Variants in NISCH observed in about 807,000 individuals in gnomAD.
NISCH encodes nischarin, also known as I-1 receptor candidate protein.
Under a neutral mutation model 138.4 loss-of-function variants are expected in NISCH, and 55 were observed. The observed-to-expected ratio is 0.40, with a 90% CI of 0.32 to 0.50. The LOEUF (loss-of-function observed/expected upper bound fraction) is 0.50. Among genes scored for constraint, NISCH ranks in the 20% least tolerant of loss-of-function variants. NISCH has a pLI of 0.71. For synonymous variants in NISCH, 860 were observed against 861.5 expected (o/e 1.00, Z 0.03); for missense variants, 1,643 against 2,005.5 (o/e 0.82, Z 3.45).
chr3:52,476,665 A>C lies in NISCH; in HGVS notation c.918+66A>C, dbSNP rs1018021433. On this transcript the variant is annotated intron_variant, in intron 8 of 20. Coordinates refer to ENST00000345716, the MANE Select transcript of NISCH (RefSeq NM_007184.4). ...CACCAAACCCTGAGTTTGAGTATTT[A>C]ACTCAGCTTTTTTAGGAAGGACCAC... The C allele has an allele frequency of 7.1e-6, 11 of 1,544,482 alleles. No individual in the cohort carries two copies. In the East Asian group the frequency reaches 2.5e-4, roughly 35 times the overall value.
intron 15 of NISCH, 37 bp downstream of exon 15, chr3:52,485,864 A>T (rs1707389642): frequency 3.2e-6 from 5 of 1,555,876 alleles, no homozygotes; most frequent in Non-Finnish European, 4.4e-6. Context: ...GGGCCTGGCC[A>T]CACAGCCTTA....
chr3:52,478,713 T>C (rs1707177782), intron 11 of NISCH, 136 bp downstream of exon 11: 1 of 786,016 alleles, frequency 1.3e-6, no homozygotes, highest in Non-Finnish European at 2.0e-6. Context: ...TTAGGGGCTT[T>C]TCAGTTCTGG....
chr3:52,473,959 G>T lies in NISCH; in HGVS notation c.765+130G>T. ...TATTCAGAGGCTGGACCTTCTGTGG[G>T]GTAGGCAGACACTCATGGGGGGCCT... On this transcript the variant is annotated intron_variant, in intron 7 of 20. Coordinates refer to ENST00000345716, the MANE Select transcript of NISCH (RefSeq NM_007184.4). 1.1e-5 allele frequency: 6 copies of T among 522,672 alleles called. No homozygotes were observed. In the South Asian group the frequency reaches 2.3e-4, roughly 20 times the overall value. The allele number at this position is 522,672 out of a possible 1,614,324, so 32.4% of individuals were successfully genotyped here.
chr3:52,477,890 AACGCCC>A (rs1707150519), intron 9 of NISCH: 1 of 644,792 alleles, frequency 1.6e-6, no homozygotes, highest in Non-Finnish European at 2.7e-6. Flanking sequence ...CCATGTTTTC[AACGCCC>A]ACCCCAACTG....
At chr3:52,482,313 A>AG (rs1354031424) in intron 13 of NISCH, among the ~76,000 whole-genome samples, 1 of 152,150 alleles carries the variant, frequency 6.6e-6, no homozygotes, top group Non-Finnish European at 1.5e-5. Flanking sequence ...GCCTGCCTGA[A>AG]GGGGGCGCTG....
At chr3:52,477,757 C>A in intron 9 of NISCH, 115 bp downstream of exon 9, 1 of 844,576 alleles carries the variant, frequency 1.2e-6, no homozygotes, top group Non-Finnish European at 2.0e-6. Context: ...GCAGGGGTTG[C>A]TGTCTTCGCT....
intron 3 of NISCH, among the ~76,000 whole-genome samples, chr3:52,465,003 C>T (rs1706742207): frequency 6.6e-6 from 1 of 152,124 alleles, no homozygotes; most frequent in African/African-American, 2.4e-5. Flanking sequence ...CATTGAAGCA[C>T]AAAAGATTTA....
At position 52,470,883 on chromosome 3, in the gene NISCH, C is replaced by T. The variant is rs887943561; in HGVS notation, c.385C>T (p.Leu129=). 1 of 1,613,990 alleles carries T rather than the reference C, an allele frequency of 6.2e-7. No homozygotes were observed. Among genetic ancestry groups the T allele is most frequent in the South Asian group, 1.1e-5 (1 of 91,084 alleles). ...GGAGATAAATGGCATCACCGCGGCA[C>T]TGGCTGAAGAGCTCTTTGAGAAAGG... The part of the protein sequence containing the change: ...FYEINGITAA[L]AEELFEKGEQ... The change falls in exon 4 of 21, where the codon CTG becomes TTG. Residue 129 remains leucine (L), a synonymous_variant. Coordinates refer to ENST00000345716, the MANE Select transcript of NISCH (RefSeq NM_007184.4).
chr3:52,492,747 G>T lies in NISCH; in HGVS notation c.*265G>T, dbSNP rs957312250. ...CACCAGTGTCGTGTCTGCTGTTGTGGGACCGTTGTTAACACGTGACACTGT... is the reference window on the plus strand; with the variant it reads ...CACCAGTGTCGTGTCTGCTGTTGTGTGACCGTTGTTAACACGTGACACTGT... On this transcript the variant is annotated 3_prime_UTR_variant, in exon 21 of 21. Coordinates refer to ENST00000345716, the MANE Select transcript of NISCH (RefSeq NM_007184.4). 2.0e-6 allele frequency: 1 copy of T among 504,462 alleles called. No individual in the cohort carries two copies. Among genetic ancestry groups the T allele is most frequent in the East Asian group, 3.1e-5 (1 of 31,982 alleles). 31.2% of individuals were successfully genotyped at this position (504,462 alleles called of 1,614,324 possible). A position where few individuals can be genotyped will look rare whatever the true frequency, so the allele number is the denominator to read the frequency against.
chr3:52,477,042 GA>G (rs970753722), intron 8 of NISCH, among the ~76,000 whole-genome samples: 10 of 149,728 alleles, frequency 6.7e-5, no homozygotes, highest in Non-Finnish European at 1.3e-4. Flanking sequence ...CTCAAAAGAA[GA>G]AAAAAAAATG....
intron 20 of NISCH, 172 bp from the exon 21 acceptor site, chr3:52,491,700 C>A: frequency 9.4e-7 from 1 of 1,062,936 alleles, no homozygotes; most frequent in Non-Finnish European, 1.3e-6. Flanking sequence ...AACCATCTGG[C>A]AGACACATCT....
chr3:52,476,718 A>T, intron 8 of NISCH, 119 bp downstream of exon 8: 5 of 959,482 alleles, frequency 5.2e-6, no homozygotes, highest in South Asian at 1.6e-5. Context: ...TGCTCTGTGC[A>T]TTGCCTGCCA....
rs758175392 is a variant in NISCH, at chr3:52,484,524, G to C, written c.1540G>C (p.Val514Leu). Residue 514 changes from valine (V) to leucine (L), a missense_variant, in exon 14 of 21, where the codon GTT (valine) becomes CTT (leucine). By Grantham distance (32) the Val-to-Leu change is conservative. Coordinates refer to ENST00000345716, the MANE Select transcript of NISCH (RefSeq NM_007184.4). The stretch of plus-strand genomic sequence containing the variant: ...CCTGGTCTCTCCAGGAATCATGTTC[G>C]TTCAGGAGGAGGCCCTGGCCAGCAG... Reference protein sequence around the residue: ...PILSNQGIMFVQEEALASSLS... With the variant: ...PILSNQGIMFLQEEALASSLS... 1.3e-6 allele frequency: 2 copies of C among 1,506,214 alleles called. No individual in the cohort carries two copies. Among genetic ancestry groups the C allele is most frequent in the South Asian group, 2.2e-5 (2 of 89,570 alleles). 93.3% of individuals were successfully genotyped at this position (1,506,214 alleles called of 1,614,324 possible).
chr3:52,484,793 T>C (rs1260916240), intron 14 of NISCH, among the ~76,000 whole-genome samples, 156 bp downstream of exon 14: 1 of 151,978 alleles, frequency 6.6e-6, no homozygotes, highest in Admixed American at 6.6e-5. Context: ...CTCTTGGACC[T>C]GTCTCTGGTT....
At position 52,455,685 on chromosome 3, in the gene NISCH, C is replaced by A; in HGVS notation, c.44C>A (p.Pro15Gln). ...RTFGPEREAEPAKEARVVGSE... is the reference protein window; with the variant it reads ...RTFGPEREAEQAKEARVVGSE... ...TTCGGGCCCGAGCGGGAAGCCGAGC[C>A]GGCCAAGGAAGCGCGCGTCGTGGGC... Residue 15 changes from proline to glutamine, a missense_variant, in exon 1 of 21, where the codon CCG becomes CAG. Coordinates refer to ENST00000345716, the MANE Select transcript of NISCH (RefSeq NM_007184.4). 7.3e-7 allele frequency: 1 copy of A among 1,362,266 alleles called. No homozygotes were observed. The highest frequency in any genetic ancestry group is 2.1e-5 in the South Asian group (1 of 47,226). 84.4% of individuals were successfully genotyped at this position (1,362,266 alleles called of 1,614,324 possible). A position where few individuals can be genotyped will look rare whatever the true frequency, so the allele number is the denominator to read the frequency against.
rs191874558 is a variant in NISCH, at chr3:52,484,704, T to G, written c.1653+67T>G. 1.7e-3 allele frequency: 2,651 copies of G among 1,590,626 alleles called. 7 individuals carry two copies. Among genetic ancestry groups the G allele is most frequent in the Non-Finnish European group, 2.0e-3 (2,292 of 1,162,558 alleles). ...GTGGACTCTTCTGCTTGGGGTTGTG[T>G]GCAGTAGGAAGTGGCCTAGCTGGAG... On this transcript the variant is annotated intron_variant, in intron 14 of 20. Coordinates refer to ENST00000345716, the MANE Select transcript of NISCH (RefSeq NM_007184.4).
At chr3:52,490,025 T>C in intron 17 of NISCH, 50 bp from the exon 18 acceptor site, 1 of 1,607,514 alleles carries the variant, frequency 6.2e-7, no homozygotes, top group Non-Finnish European at 8.5e-7. Context: ...GTCCCTGGTA[T>C]GTGCAGGTTG....
chr3:52,491,942 T>TG lies in NISCH; in HGVS notation c.3979dup (p.Asp1327GlyfsTer12). 1 of 1,613,578 alleles carries TG rather than the reference T, an allele frequency of 6.2e-7. No homozygotes were observed. Among genetic ancestry groups the TG allele is most frequent in the Non-Finnish European group, 8.5e-7 (1 of 1,179,970 alleles). ...TTACCTACCCCAGTGAGGAGGAGAT[T>TG]GGGGACCTGACGTTCACTGTGGCCC... On this transcript the variant is annotated frameshift_variant, in exon 21 of 21. Transcript: ENST00000345716. LOFTEE classifies it high-confidence loss of function.
chr3:52,461,771 G>A (rs1326406253), intron 3 of NISCH, among the ~76,000 whole-genome samples: 2 of 151,650 alleles, frequency 1.3e-5, no homozygotes, highest in African/African-American at 4.9e-5. Context: ...GCTGAGGCAG[G>A]AGAATGGCGT....
Sources: allele counts gnomAD v4.1 joint callset (sites outside exome capture counted in the v4.1 genomes callset), GRCh38; gene constraint gnomAD v4.1.1; transcripts MANE v1.5; gene names NCBI Gene and HGNC (gene_info 2026-07-23, HGNC 2026-07-21).